Variants in COBLL1 observed in about 807,000 individuals in gnomAD.
COBLL1 encodes cordon-bleu WH2 repeat protein like 1, also known as cordon-bleu protein-like 1.
COBLL1 carries 50 observed loss-of-function variants against 94.8 expected under a neutral mutation model. The observed-to-expected ratio is 0.53, with a 90% CI of 0.42 to 0.67. The LOEUF is 0.67. Ranked by LOEUF, COBLL1 falls within the 30% of genes least tolerant of loss-of-function variation. The pLI, the probability that COBLL1 is intolerant of heterozygous loss-of-function variation, is 0.00. For synonymous variants in COBLL1, 448 were observed against 473.8 expected (o/e 0.95, Z 0.71); for missense variants, 1,362 against 1,348.7 (o/e 1.01, Z -0.15).
At chr2:164,837,568 A>G in intron 2 of COBLL1, 2 of 432,230 alleles carry the variant, frequency 4.6e-6, no homozygotes, top group Middle Eastern at 3.6e-4. Context: ...ATGATTTATC[A>G]TTTTTCATCT....
intron 2 of COBLL1, among the ~76,000 whole-genome samples, chr2:164,748,038 G>C (rs1686957530): frequency 6.6e-6 from 1 of 152,084 alleles, no homozygotes; most frequent in Non-Finnish European, 1.5e-5. Flanking sequence ...TGTGTGGTGG[G>C]GAGCAGGATC....
Position 164,791,874 on chromosome 2 carries a change from C to CT in COBLL1, c.42-48000dup, listed in dbSNP as rs76229485. ...GTATCAAATTCCCTGGTTTTTGTTG[C>CT]TTTTTTTTTTTTTAAAAAAAGCAGC... On this transcript the variant is annotated intron_variant, in intron 2 of 13. Coordinates refer to ENST00000652658, the MANE Select transcript of COBLL1 (RefSeq NM_001365672.2). Among the ~76,000 whole-genome samples the CT allele has an allele frequency of 4.1e-3, 584 of 142,302 alleles. 4 individuals are homozygous for CT. Among genetic ancestry groups the CT allele is most frequent in the East Asian group, 8.4e-3 (41 of 4,906 alleles). The allele number at this position is 142,302 out of a possible 152,430, so 93.4% of individuals were successfully genotyped here. A position where few individuals can be genotyped will look rare whatever the true frequency, so the allele number is the denominator to read the frequency against.
Position 164,784,668 on chromosome 2 carries a change from C to T in COBLL1, c.42-40793G>A, listed in dbSNP as rs78942223. 6.4e-4 allele frequency among the ~76,000 whole-genome samples: 98 copies of T among 152,014 alleles called. No individual in the cohort carries two copies. In the East Asian group the frequency reaches 0.017, roughly 27 times the overall value. On this transcript the variant is annotated intron_variant, in intron 2 of 13. Transcript: ENST00000652658. ...CTTCCCTGTCTTCTTTTCCCTAAGC[C>T]CTTAGAGGAGGCCATTCATGGGTAA...
At chr2:164,784,307 A>T (rs1413137725) in intron 2 of COBLL1, among the ~76,000 whole-genome samples, 1 of 152,182 alleles carries the variant, frequency 6.6e-6, no homozygotes, top group East Asian at 1.9e-4. Context: ...CACTCAATAA[A>T]CATGTGCTTT....
Position 164,683,131 on chromosome 2 carries a change from G to C in COBLL1, c.*2815C>G, listed in dbSNP as rs1017129594. ...AAATATTAACAGCTATCTTTGGAGA[G>C]GAGAGTGGGATGCTGGGGATGAAAA... is the stretch of plus-strand genomic sequence containing the variant. On this transcript the variant is annotated 3_prime_UTR_variant, in exon 14 of 14. Coordinates refer to ENST00000652658, the MANE Select transcript of COBLL1 (RefSeq NM_001365672.2). 2 of 151,786 alleles carry C rather than the reference G, an allele frequency of 1.3e-5. No homozygotes were observed. The highest frequency in any genetic ancestry group is 4.8e-5 in the African/African-American group (2 of 41,316). The allele number at this position is 151,786 out of a possible 1,614,324, so 9.4% of individuals were successfully genotyped here. A position where few individuals can be genotyped will look rare whatever the true frequency, so the allele number is the denominator to read the frequency against.
intron 2 of COBLL1, among the ~76,000 whole-genome samples, chr2:164,765,693 CA>C (rs957118099): frequency 1.2e-4 from 18 of 149,942 alleles, no homozygotes; most frequent in Non-Finnish European, 1.8e-4. Context: ...AATGTTTTTA[CA>C]AAAAAAAATC....
chr2:164,819,343 C>T (rs2105358104), intron 2 of COBLL1, among the ~76,000 whole-genome samples: 1 of 151,820 alleles, frequency 6.6e-6, no homozygotes, highest in East Asian at 1.9e-4. Context: ...GACATACAAA[C>T]ATAAAAGAGA....
intron 3 of COBLL1, among the ~76,000 whole-genome samples, chr2:164,739,732 A>G (rs895239193): frequency 2.6e-5 from 4 of 152,190 alleles, no homozygotes; most frequent in African/African-American, 9.6e-5. Flanking sequence ...GAGATTTTTC[A>G]TATTCCTTTT....
intron 2 of COBLL1, among the ~76,000 whole-genome samples, chr2:164,817,030 T>C (rs572632354): frequency 3.9e-5 from 6 of 152,288 alleles, no homozygotes; most frequent in Admixed American, 2.0e-4. Flanking sequence ...CCCAGCTATA[T>C]GAACTGAAGT....
chr2:164,825,216 C>T (rs1046485308), intron 2 of COBLL1, among the ~76,000 whole-genome samples: 40 of 151,972 alleles, frequency 2.6e-4, no homozygotes, highest in African/African-American at 9.4e-4. Context: ...ATTACTGTGA[C>T]CCTGATACTT....
chr2:164,795,382 G>C (rs1351152002), intron 2 of COBLL1, among the ~76,000 whole-genome samples: 3 of 152,136 alleles, frequency 2.0e-5, no homozygotes, highest in Non-Finnish European at 4.4e-5. Flanking sequence ...AGTTTAGTAA[G>C]TTAAAATGAA....
At chr2:164,818,618 C>CACATATATGGCGTATATGTACATATGTAA (rs1559046689) in intron 2 of COBLL1, among the ~76,000 whole-genome samples, 56 of 140,078 alleles carry the variant, frequency 4.0e-4, no homozygotes, top group Non-Finnish European at 1.8e-4. Flanking sequence ...TACATATGTA[C>CACATATATGGCGTATATGTACATATGTAA]ACATATATGG....
Position 164,818,227 on chromosome 2 carries a change from C to T in COBLL1, c.41+22929G>A, listed in dbSNP as rs554109297. 7.9e-4 allele frequency among the ~76,000 whole-genome samples: 97 copies of T among 123,368 alleles called. 1 individual carries two copies. The South Asian group carries it at 8.8e-3, about 11-fold the overall frequency. The allele number at this position is 123,368 out of a possible 152,430, so 80.9% of individuals were successfully genotyped here. On this transcript the variant is annotated intron_variant, in intron 2 of 13. Coordinates refer to ENST00000652658, the MANE Select transcript of COBLL1 (RefSeq NM_001365672.2). Reference sequence around the variant, plus strand: ...ATATGTGTGTATATATACATATATACATATGCATGTATGTATACATGTGCA... The same window carrying T: ...ATATGTGTGTATATATACATATATATATATGCATGTATGTATACATGTGCA...
intron 12 of COBLL1, 98 bp from the exon 13 acceptor site, chr2:164,692,495 C>T (rs1683672024): frequency 1.1e-6 from 1 of 888,978 alleles, no homozygotes; most frequent in Non-Finnish European, 1.7e-6. Flanking sequence ...TTAACAATCA[C>T]CATTTGCCAC....
intron 2 of COBLL1, among the ~76,000 whole-genome samples, chr2:164,660,717 C>T (rs976430193): frequency 6.6e-6 from 1 of 152,170 alleles, no homozygotes; most frequent in Non-Finnish European, 1.5e-5. Flanking sequence ...AAGCAGCAGA[C>T]ATCTAATTTT....
intron 2 of COBLL1, among the ~76,000 whole-genome samples, chr2:164,827,729 A>T (rs1685500425): frequency 6.6e-6 from 1 of 152,212 alleles, no homozygotes; most frequent in African/African-American, 2.4e-5. Context: ...ATTAATGACT[A>T]TTTCACTCTC....
chr2:164,708,411 C>T (rs1684715756), intron 7 of COBLL1, among the ~76,000 whole-genome samples: 1 of 152,066 alleles, frequency 6.6e-6, no homozygotes, highest in African/African-American at 2.4e-5. Flanking sequence ...CAAGGGCCCG[C>T]TGCAACAAAA....
chr2:164,673,027 T>G (rs1691271290), intron 1 of COBLL1, among the ~76,000 whole-genome samples: 1 of 152,144 alleles, frequency 6.6e-6, no homozygotes, highest in African/African-American at 2.4e-5. Flanking sequence ...AATTTAAAAA[T>G]TGCCTTCAAT....
chr2:164,695,608 C>T lies in COBLL1; in HGVS notation c.1784G>A (p.Ser595Asn). The change falls in exon 12 of 14, where the codon AGT becomes AAT. Residue 595 changes from serine (S) to asparagine (N), a missense_variant. Ser to Asn is a conservative substitution (Grantham distance 46). Transcript: ENST00000652658. ...TGCTGCATCTTTTGTCTTTTCTGCA[C>T]TGGGTTGATTCAGTTTTTGATCTGG... ...SVPDQKLNQP[S>N]AEKTKDAAIQ... 1 of 1,613,878 alleles carries T rather than the reference C, an allele frequency of 6.2e-7. No homozygotes were observed. The highest frequency in any genetic ancestry group is 8.5e-7 in the Non-Finnish European group (1 of 1,179,898).
Sources: gnomAD v4.1 joint callset for allele counts (sites outside exome capture counted in the v4.1 genomes callset) on GRCh38, gnomAD v4.1.1 for gene constraint, MANE v1.5 for transcripts, NCBI Gene and HGNC (gene_info 2026-07-23, HGNC 2026-07-21) for gene names.